The following FGF14 variants were observed in gnomAD, a reference collection of about 807,000 sequenced individuals.
FGF14 encodes fibroblast growth factor homologous factor 4.
A neutral mutation model predicts 25.5 loss-of-function variants in FGF14; 5 were observed. That is an observed-to-expected ratio of 0.20 (90% confidence interval 0.10 to 0.41). FGF14 has a LOEUF of 0.41. Among genes scored for constraint, FGF14 ranks in the 10% least tolerant of loss-of-function variants. FGF14 has a pLI of 1.00. For synonymous variants in FGF14, 138 were observed against 118.3 expected, an observed-to-expected ratio of 1.17 and a Z score of -1.08; for missense variants, 222 against 320.1, an observed-to-expected ratio of 0.69 and a Z score of 2.34.
intron 1 of FGF14, among the ~76,000 whole-genome samples, chr13:102,345,778 A>G (rs150620149): frequency 5.9e-5 from 9 of 152,360 alleles, no homozygotes; most frequent in African/African-American, 2.2e-4. Flanking sequence ...AGAATGCAAC[A>G]AAGATTATAT....
At chr13:102,030,596 T>C (rs192534086) in intron 1 of FGF14, among the ~76,000 whole-genome samples, 7 of 152,138 alleles carry the variant, frequency 4.6e-5, no homozygotes, top group African/African-American at 1.7e-4. Flanking sequence ...TCTGATCTTC[T>C]TTACAAAATC....
intron 1 of FGF14, among the ~76,000 whole-genome samples, chr13:102,297,698 C>A (rs1259745458): frequency 4.0e-5 from 6 of 148,380 alleles, no homozygotes; most frequent in Non-Finnish European, 7.4e-5. Flanking sequence ...CCAGTCTGGG[C>A]AATACAGCAA....
At chr13:101,786,183 C>G (rs1249389522) in intron 3 of FGF14, among the ~76,000 whole-genome samples, 2 of 152,182 alleles carry the variant, frequency 1.3e-5, no homozygotes, top group African/African-American at 4.8e-5. Flanking sequence ...TCAACCTCAC[C>G]TCCCAGAATT....
At chr13:102,220,157 T>G (rs2050544134) in intron 1 of FGF14, among the ~76,000 whole-genome samples, 1 of 152,174 alleles carries the variant, frequency 6.6e-6, no homozygotes, top group Non-Finnish European at 1.5e-5. Flanking sequence ...TTTTGAATTC[T>G]AAACTTTTCT....
intron 1 of FGF14, among the ~76,000 whole-genome samples, chr13:102,253,439 CAT>C (rs1236054111): frequency 3.3e-5 from 5 of 152,092 alleles, no homozygotes; most frequent in Non-Finnish European, 5.9e-5. Flanking sequence ...AGCTTTTTTT[CAT>C]ATGTCTTTTG....
chr13:102,145,808 G>T lies in FGF14; in HGVS notation c.208+255663C>A, dbSNP rs2046830612. 2.0e-5 allele frequency among the ~76,000 whole-genome samples: 3 copies of T among 152,100 alleles called. No individual in the cohort carries two copies. In the South Asian group the frequency reaches 6.2e-4, roughly 32 times the overall value. ...ATTTAGCACAGAAATCCTCCTACAG[G>T]GAGAGAGAGTATTTAGAGAAGTATA... On this transcript the variant is annotated intron_variant, in intron 1 of 4. Transcript: ENST00000376131.
At position 101,922,840 on chromosome 13, in the gene FGF14, TTTTA is replaced by T. The variant is rs1422013597; in HGVS notation, c.209-47548_209-47545del. Among the ~76,000 whole-genome samples the T allele has an allele frequency of 3.4e-5, 5 of 146,892 alleles. No homozygotes were observed. In the South Asian group the frequency reaches 6.2e-4, roughly 18 times the overall value. On this transcript the variant is annotated intron_variant, in intron 1 of 4. Transcript: ENST00000376131. ...AAAAAAAAAGTGCCTGGATTTTGTTTTTTATTTATCCTTCAAATGAACAAAAAAA... is the reference window on the plus strand; with the variant it reads ...AAAAAAAAAGTGCCTGGATTTTGTTTTTTATCCTTCAAATGAACAAAAAAA...
intron 1 of FGF14, among the ~76,000 whole-genome samples, chr13:101,991,541 G>A (rs181585967): frequency 5.3e-5 from 8 of 152,140 alleles, no homozygotes; most frequent in East Asian, 1.9e-4. Flanking sequence ...TCCCATTCTC[G>A]TAACAAGAAA....
intron 1 of FGF14, among the ~76,000 whole-genome samples, chr13:102,206,418 C>T (rs1000538549): frequency 1.3e-5 from 2 of 152,134 alleles, no homozygotes; most frequent in Admixed American, 1.3e-4. Flanking sequence ...CAGTGGCTCA[C>T]GCCTGTAATC....
chr13:102,154,582 T>C (rs1023665730), intron 1 of FGF14, among the ~76,000 whole-genome samples: 1 of 152,142 alleles, frequency 6.6e-6, no homozygotes, highest in Non-Finnish European at 1.5e-5. Flanking sequence ...GTAAAGATCA[T>C]CGAGGCTAGG....
At position 101,875,145 on chromosome 13, in the gene FGF14, TCTAC is replaced by T. The variant is rs760399220; in HGVS notation, c.304+37_304+40del. The T allele has an allele frequency of 7.6e-6, 10 of 1,320,570 alleles. No individual in the cohort carries two copies. In the African/African-American group the frequency reaches 1.3e-4, roughly 17 times the overall value. 81.8% of individuals were successfully genotyped at this position (1,320,570 alleles called of 1,614,324 possible). A position where few individuals can be genotyped will look rare whatever the true frequency, so the allele number is the denominator to read the frequency against. Reference sequence around the variant, plus strand: ...AAGTCATTTAAGTAGCAGTGTATCTTCTACCAACTATGTAACTGGTGGCCTGAGG... The same window carrying T: ...AAGTCATTTAAGTAGCAGTGTATCTTCAACTATGTAACTGGTGGCCTGAGG... On this transcript the variant is annotated intron_variant, in intron 2 of 4. Transcript: ENST00000376143.
rs1167325741 is a variant in FGF14, at chr13:101,722,222, A to AGAT, written c.*606_*608dup. On this transcript the variant is annotated 3_prime_UTR_variant, in exon 5 of 5. Coordinates refer to ENST00000376143, the MANE Select transcript of FGF14 (RefSeq NM_004115.4). Reference sequence around the variant, plus strand: ...ACAATCTTTCTTAATCTTTCTTTATAGATGCAATTTGTAATAATAGGTTTA... The same window carrying AGAT: ...ACAATCTTTCTTAATCTTTCTTTATAGATGATGCAATTTGTAATAATAGGTTTA... The AGAT allele has an allele frequency of 3.0e-5, 5 of 168,600 alleles. No homozygotes were observed. The highest frequency in any genetic ancestry group is 3.4e-4 in the East Asian group (2 of 5,956). 10.4% of individuals were successfully genotyped at this position (168,600 alleles called of 1,614,324 possible).
At chr13:101,840,389 C>T (rs1331348784) in intron 3 of FGF14, among the ~76,000 whole-genome samples, 1 of 151,628 alleles carries the variant, frequency 6.6e-6, no homozygotes, top group Non-Finnish European at 1.5e-5. Context: ...TCTTATTTCT[C>T]AGTTACTTAA....
chr13:102,045,811 T>A (rs540439576), intron 1 of FGF14: 1 of 152,342 alleles, frequency 6.6e-6, no homozygotes, highest in South Asian at 2.1e-4. Context: ...TGCTCTGCCA[T>A]CTATAGGATA....
chr13:101,855,856 A>C (rs931156692), intron 3 of FGF14, among the ~76,000 whole-genome samples: 1 of 150,702 alleles, frequency 6.6e-6, no homozygotes, highest in Non-Finnish European at 1.5e-5. Flanking sequence ...TGCATGGATG[A>C]TGCATAAAAA....
chr13:101,978,621 T>G (rs2038070045), intron 1 of FGF14, among the ~76,000 whole-genome samples: 1 of 152,220 alleles, frequency 6.6e-6, no homozygotes, highest in South Asian at 2.1e-4. Context: ...AAAACCAGAC[T>G]AGGGATACAT....
chr13:101,957,737 CCATTTA>C (rs2036597417), intron 1 of FGF14, among the ~76,000 whole-genome samples: 1 of 152,144 alleles, frequency 6.6e-6, no homozygotes, highest in African/African-American at 2.4e-5. Context: ...CAATCTTTAT[CCATTTA>C]CACAGGCCTA....
chr13:102,383,064 T>C (rs148696219), intron 1 of FGF14, among the ~76,000 whole-genome samples: 74 of 152,218 alleles, frequency 4.9e-4, no homozygotes, highest in African/African-American at 1.5e-3. Flanking sequence ...CTAAAAACTA[T>C]TGAATTGTAT....
chr13:101,886,665 T>C (rs1332896004), intron 1 of FGF14, among the ~76,000 whole-genome samples: 2 of 152,102 alleles, frequency 1.3e-5, no homozygotes, highest in Admixed American at 1.3e-4. Context: ...ACCTCAAAAG[T>C]GTAAGCAAGA....
Sources: gnomAD v4.1 joint callset for allele counts (sites outside exome capture counted in the v4.1 genomes callset) on GRCh38, gnomAD v4.1.1 for gene constraint, MANE v1.5 for transcripts, NCBI Gene and HGNC (gene_info 2026-07-23, HGNC 2026-07-21) for gene names.